TXNDC11: variants seen among roughly 807,000 people sequenced by gnomAD.
TXNDC11 encodes the protein thioredoxin domain-containing protein 11.
TXNDC11 carries 68 observed loss-of-function variants against 78.0 expected under a neutral mutation model. The observed-to-expected ratio is 0.87, with a 90% CI of 0.72 to 1.07. The LOEUF is 1.07. Among genes scored for constraint, TXNDC11 ranks in the 50% least tolerant of loss-of-function variants. The pLI, the probability that TXNDC11 is intolerant of heterozygous loss-of-function variation, is 0.00. For missense variants in TXNDC11, 1,389 were observed against 1,221.8 expected, an observed-to-expected ratio of 1.14 and a Z score of -2.04; for synonymous variants, 571 against 495.2, an observed-to-expected ratio of 1.15 and a Z score of -2.03.
intron 4 of TXNDC11, among the ~76,000 whole-genome samples, chr16:11,729,741 T>A (rs1399480103): frequency 6.6e-6 from 1 of 152,200 alleles, no homozygotes; most frequent in Non-Finnish European, 1.5e-5. Flanking sequence ...TTTTTGAGGC[T>A]ACATCTTTCA....
intron 5 of TXNDC11, among the ~76,000 whole-genome samples, chr16:11,720,706 C>T (rs12927966): frequency 0.47 from 71,526 of 150,652 alleles, 17,200 homozygotes; most frequent in Middle Eastern, 0.58. Flanking sequence ...CGTGAGCCAC[C>T]GTGCCCGACA....
At chr16:11,701,431 TC>T (rs1444547530) in intron 5 of TXNDC11, among the ~76,000 whole-genome samples, 1 of 152,082 alleles carries the variant, frequency 6.6e-6, no homozygotes, top group African/African-American at 2.4e-5. Flanking sequence ...GCCACCACAC[TC>T]GGCCCAATTT....
At chr16:11,735,578 A>G (rs2052194991) in intron 2 of TXNDC11, among the ~76,000 whole-genome samples, 1 of 152,202 alleles carries the variant, frequency 6.6e-6, no homozygotes, top group African/African-American at 2.4e-5. Flanking sequence ...TACCTAGCCC[A>G]AAGGTGGCAT....
chr16:11,679,375 C>G lies in TXNDC11; in HGVS notation c.2697G>C (p.Ala899=). The change falls in exon 12 of 12, where the codon GCG becomes GCC. Residue 899 remains alanine, a synonymous_variant. Transcript: ENST00000283033. This position sits in a 1 kb window ranked among gnomAD's most constrained non-coding sequence, Gnocchi z 4.6. Reference sequence around the variant, plus strand: ...TGCCCTCCAGTTTCCTCTCCATGGTCGCCACCAGGATCTTGAGCCACGTGT... The same window carrying G: ...TGCCCTCCAGTTTCCTCTCCATGGTGGCCACCAGGATCTTGAGCCACGTGT... ...TENTWLKILV[A]TMERKLEGRD... is the part of the protein sequence containing the mutation. 1.2e-6 allele frequency: 2 copies of G among 1,610,794 alleles called. No homozygotes were observed. Among genetic ancestry groups the G allele is most frequent in the Non-Finnish European group, 1.7e-6 (2 of 1,178,688 alleles).
Position 11,706,548 on chromosome 16 carries a change from A to C in TXNDC11, c.794-5984T>G, listed in dbSNP as rs146419088. On this transcript the variant is annotated intron_variant, in intron 5 of 11. Transcript: ENST00000283033. Reference sequence around the variant, plus strand: ...ATGGTCTTGTGCTTTGACTCATGAAATCTTGCCTACTTTTGGCAGGCAGGC... The same window carrying C: ...ATGGTCTTGTGCTTTGACTCATGAACTCTTGCCTACTTTTGGCAGGCAGGC... 2.6e-5 allele frequency among the ~76,000 whole-genome samples: 4 copies of C among 152,282 alleles called. No individual in the cohort carries two copies. In the East Asian group the frequency reaches 7.7e-4, roughly 29 times the overall value.
chr16:11,709,596 G>C (rs966850473), intron 5 of TXNDC11, among the ~76,000 whole-genome samples: 1 of 151,320 alleles, frequency 6.6e-6, no homozygotes, highest in Non-Finnish European at 1.5e-5. Context: ...TACCATGCCC[G>C]GCTAATTTTT....
chr16:11,702,236 AT>A (rs897349016), intron 5 of TXNDC11, among the ~76,000 whole-genome samples: 3 of 151,776 alleles, frequency 2.0e-5, no homozygotes, highest in Admixed American at 6.6e-5. Context: ...TGAAGCTTTC[AT>A]TTTTTTTCAT....
chr16:11,692,428 A>G (rs1168964414), intron 7 of TXNDC11, among the ~76,000 whole-genome samples: 1 of 152,146 alleles, frequency 6.6e-6, no homozygotes, highest in Non-Finnish European at 1.5e-5. Flanking sequence ...ATTTATTAGA[A>G]GGGCCCCCAA....
At chr16:11,737,765 C>T (rs998127957) in intron 1 of TXNDC11, among the ~76,000 whole-genome samples, 3 of 147,470 alleles carry the variant, frequency 2.0e-5, no homozygotes, top group Non-Finnish European at 3.0e-5. Context: ...ACTCGGGAGG[C>T]TGAGGCAGGA....
intron 1 of TXNDC11, 36 bp downstream of exon 1, chr16:11,742,436 GGGAGC>G: frequency 1.5e-6 from 2 of 1,359,172 alleles, no homozygotes; most frequent in Non-Finnish European, 1.9e-6. Flanking sequence ...GCAGAGCAAG[GGGAGC>G]GCCCTAGCGG....
chr16:11,707,251 A>G (rs1433009762), intron 5 of TXNDC11, among the ~76,000 whole-genome samples: 2 of 151,560 alleles, frequency 1.3e-5, no homozygotes, highest in Non-Finnish European at 2.9e-5. Context: ...ACCTGGTGAA[A>G]CCCCATCTCT....
At chr16:11,739,148 A>G (rs2052320228) in intron 1 of TXNDC11, among the ~76,000 whole-genome samples, 1 of 152,240 alleles carries the variant, frequency 6.6e-6, no homozygotes, top group Non-Finnish European at 1.5e-5. Flanking sequence ...ATTCAGAAGC[A>G]TTCCTAAATG....
chr16:11,707,567 G>A (rs1205377489), intron 5 of TXNDC11, among the ~76,000 whole-genome samples: 1 of 151,590 alleles, frequency 6.6e-6, no homozygotes, highest in Non-Finnish European at 1.5e-5. Context: ...TCCTGCCTCA[G>A]CCTCCTGAGT....
chr16:11,688,626 G>A, intron 8 of TXNDC11, 181 bp from the exon 9 acceptor site: 1 of 528,302 alleles, frequency 1.9e-6, no homozygotes, highest in South Asian at 2.9e-5. Flanking sequence ...AGCTCTGGTA[G>A]TATTAACTCA....
In TXNDC11 at chr16:11,691,761, G is replaced by A. The variant is rs765441892; in HGVS notation, c.1429C>T (p.Leu477Phe). 9.3e-6 allele frequency: 15 copies of A among 1,614,124 alleles called. No homozygotes were observed. In the South Asian group the frequency reaches 1.3e-4, roughly 14 times the overall value. ...EMAAALDSFY[L>F]KEQTFYHVAS... is the part of the protein sequence containing the mutation. ...ACATGATAAAAGGTCTGCTCCTTGA[G>A]GTAGAAAGAATCCAGAGCTGCTGCC... Residue 477 changes from leucine (L) to phenylalanine (F), a missense_variant, in exon 8 of 12, where the codon CTC (leucine) becomes TTC (phenylalanine). Leu to Phe is a conservative substitution (Grantham distance 22). Coordinates refer to ENST00000283033, the MANE Select transcript of TXNDC11 (RefSeq NM_015914.7).
rs924387223 is a variant in TXNDC11 at position 11,742,838 on chromosome 16, G to A, written c.-108C>T. 65 of 1,352,046 alleles carry A rather than the reference G, an allele frequency of 4.8e-5. No homozygotes were observed. The highest frequency in any genetic ancestry group is 2.7e-4 in the Admixed American group (8 of 29,952). The allele number at this position is 1,352,046 out of a possible 1,614,324, so 83.8% of individuals were successfully genotyped here. On this transcript the variant is annotated 5_prime_UTR_variant, in exon 1 of 12. Coordinates refer to ENST00000283033, the MANE Select transcript of TXNDC11 (RefSeq NM_015914.7). ...CGCAGCTCGCCGCACCCGCTAACCCGGACGCTCCACGTCAGCCGCGCCGCC... is the reference window on the plus strand; with the variant it reads ...CGCAGCTCGCCGCACCCGCTAACCCAGACGCTCCACGTCAGCCGCGCCGCC...
At chr16:11,687,436 G>T (rs554001490) in intron 10 of TXNDC11, among the ~76,000 whole-genome samples, 16 of 152,196 alleles carry the variant, frequency 1.1e-4, no homozygotes, top group Non-Finnish European at 2.2e-4. Context: ...CACAATACCA[G>T]AATGTGGATA....
chr16:11,721,591 T>C lies in TXNDC11; in HGVS notation c.779A>G (p.His260Arg), dbSNP rs751116839. The change falls in exon 5 of 12, where the codon CAT (histidine) becomes CGT (arginine). Residue 260 changes from histidine to arginine, a missense_variant. By Grantham distance (29) the His-to-Arg change is conservative (BLOSUM62 0). Transcript: ENST00000283033. The stretch of plus-strand genomic sequence containing the variant: ...TCATTTTTTACCTTTCTTTAATGAA[T>C]GTAATGCTGAGGTGAAGAAGGTCAA... Reference protein sequence around the residue: ...GYLTFFTSALHSLKKDYLGTV... With the variant: ...GYLTFFTSALRSLKKDYLGTV... 3.4e-5 allele frequency: 55 copies of C among 1,606,064 alleles called. No individual in the cohort carries two copies. The highest frequency in any genetic ancestry group is 1.0e-4 in the Admixed American group (6 of 59,868).
At chr16:11,682,095 A>T (rs914230931) in intron 11 of TXNDC11, among the ~76,000 whole-genome samples, 1 of 152,260 alleles carries the variant, frequency 6.6e-6, no homozygotes, top group African/African-American at 2.4e-5. Context: ...TTCACTAAAA[A>T]TAGCATAAGC....
Sources: allele counts gnomAD v4.1 joint callset (sites outside exome capture counted in the v4.1 genomes callset), GRCh38; gene constraint gnomAD v4.1.1; non-coding constraint Gnocchi (gnomAD v3.1); transcripts MANE v1.5; gene names NCBI Gene and HGNC (gene_info 2026-07-23, HGNC 2026-07-21).